The following TMEM91 variants were observed in gnomAD, a reference collection of about 807,000 sequenced individuals.
TMEM91 encodes dispanin subfamily C member 3.
In TMEM91, 6 loss-of-function variants were observed where a neutral mutation model predicts 13.3. The ratio of observed to expected loss-of-function variants is 0.45; its 90% CI spans 0.25 to 0.89. TMEM91 has a LOEUF of 0.89. Among genes scored for constraint, TMEM91 ranks in the 40% least tolerant of loss-of-function variants. TMEM91 has a pLI of 0.19. For synonymous variants in TMEM91, 87 were observed against 101.7 expected, an observed-to-expected ratio of 0.86 and a Z score of 0.87; for missense variants, 193 against 228.7, an observed-to-expected ratio of 0.84 and a Z score of 1.01.
intron 3 of TMEM91, chr19:41,383,127 C>G (rs1260344900): frequency 7.7e-6 from 5 of 646,656 alleles, no homozygotes; most frequent in African/African-American, 1.8e-5. Context: ...AATCTCGGCT[C>G]ACTGCAATCT....
At chr19:41,381,038 T>C (rs1377817069) in intron 2 of TMEM91, among the ~76,000 whole-genome samples, 1 of 127,766 alleles carries the variant, frequency 7.8e-6, no homozygotes. Flanking sequence ...TGAGCTGAGA[T>C]TGAGCCACTG....
upstream of TMEM91, chr19:41,376,222 A>G (rs1351168740): frequency 6.6e-6 from 1 of 152,326 alleles, no homozygotes; most frequent in Admixed American, 6.5e-5. Flanking sequence ...GAATGCGATG[A>G]TGAATGTAAA....
Position 41,383,965 on chromosome 19 carries a change from G to A in TMEM91, c.*92G>A. The A allele has an allele frequency of 6.6e-7, 1 of 1,525,718 alleles. No individual in the cohort carries two copies. Among genetic ancestry groups the A allele is most frequent in the Non-Finnish European group, 8.7e-7 (1 of 1,143,442 alleles). The allele number at this position is 1,525,718 out of a possible 1,614,324, so 94.5% of individuals were successfully genotyped here. On this transcript the variant is annotated 3_prime_UTR_variant, in exon 4 of 4. Coordinates refer to ENST00000392002, the MANE Select transcript of TMEM91 (RefSeq NM_001098821.2). ...GAGAATCTTGGTGGATGAGGCTGCGGCGGCGGCAGGAGCATCTAGAAACGG... is the reference window on the plus strand; with the variant it reads ...GAGAATCTTGGTGGATGAGGCTGCGACGGCGGCAGGAGCATCTAGAAACGG...
chr19:41,366,285 C>A (rs1411435920), intron 1 of TMEM91, among the ~76,000 whole-genome samples: 1 of 151,920 alleles, frequency 6.6e-6, no homozygotes, highest in Non-Finnish European at 1.5e-5. Context: ...ACCAGCCTTG[C>A]ATTCTCTTTT....
At chr19:41,370,922 C>T (rs137877470) in intron 1 of TMEM91, among the ~76,000 whole-genome samples, 1 of 151,646 alleles carries the variant, frequency 6.6e-6, no homozygotes, top group Non-Finnish European at 1.5e-5. Context: ...AGGATGTACT[C>T]GAACTCCTGA....
At chr19:41,371,114 G>C (rs1444093835) in intron 1 of TMEM91, among the ~76,000 whole-genome samples, 1 of 151,874 alleles carries the variant, frequency 6.6e-6, no homozygotes, top group African/African-American at 2.4e-5. Context: ...CAATTATTGT[G>C]CCTCAGCCTC....
intron 1 of TMEM91, among the ~76,000 whole-genome samples, chr19:41,370,763 C>T (rs994294647): frequency 2.6e-5 from 4 of 151,404 alleles, no homozygotes; most frequent in South Asian, 2.1e-4. Flanking sequence ...GGTGTAGCAA[C>T]GTGATCTCTG....
chr19:41,383,649 A>C, intron 3 of TMEM91, 66 bp from the exon 4 acceptor site: 1 of 1,610,838 alleles, frequency 6.2e-7, no homozygotes, highest in East Asian at 2.2e-5. Context: ...TGGGTGGGGG[A>C]GGGACCAGGG....
intron 3 of TMEM91, 172 bp downstream of exon 3, chr19:41,383,093 G>T (rs143826525): frequency 8.6e-6 from 8 of 930,906 alleles, no homozygotes; most frequent in Non-Finnish European, 1.1e-5. Flanking sequence ...TCACTTTGTC[G>T]CCCAGGCTGG....
At chr19:41,378,554 A>G (rs770802602) in intron 2 of TMEM91, 35 bp downstream of exon 2, 1 of 1,610,828 alleles carries the variant, frequency 6.2e-7, no homozygotes, top group Non-Finnish European at 8.5e-7. Flanking sequence ...AAGGCACGGG[A>G]GGGGGCTGGG....
intron 3 of TMEM91, 96 bp downstream of exon 3, chr19:41,383,017 A>G: frequency 2.0e-6 from 3 of 1,511,672 alleles, no homozygotes; most frequent in Non-Finnish European, 2.7e-6. Flanking sequence ...GGAAGGTGGA[A>G]GGTAGCCCAG....
intron 2 of TMEM91, among the ~76,000 whole-genome samples, chr19:41,378,862 C>T (rs546165763): frequency 2.6e-5 from 4 of 151,824 alleles, no homozygotes; most frequent in Admixed American, 6.6e-5. Context: ...GACAGGGTCT[C>T]GCTCTGTTGC....
chr19:41,383,586 G>GGT, intron 3 of TMEM91, 129 bp from the exon 4 acceptor site: 1 of 1,613,824 alleles, frequency 6.2e-7, no homozygotes, highest in Non-Finnish European at 8.5e-7. Flanking sequence ...ACCTATAGTA[G>GGT]GTGCTACGTA....
chr19:41,369,636 C>G (rs1339039324), intron 1 of TMEM91, among the ~76,000 whole-genome samples: 1 of 151,908 alleles, frequency 6.6e-6, no homozygotes, highest in African/African-American at 2.4e-5. Context: ...GAAACCCCAT[C>G]CCTCCTAAAA....
At chr19:41,372,928 C>CTTTTGTTTTTGT (rs113935602), upstream of TMEM91, among the ~76,000 whole-genome samples, 4,227 of 149,820 alleles carry the variant, frequency 0.028, 244 homozygotes, top group East Asian at 0.24. Flanking sequence ...ATCTCGTGAT[C>CTTTTGTTTTTGT]TTTTGTTTTT....
rs2038957655 is a variant in TMEM91 at position 41,383,973 on chromosome 19, A to G, written c.*100A>G. On this transcript the variant is annotated 3_prime_UTR_variant, in exon 4 of 4. Coordinates refer to ENST00000392002, the MANE Select transcript of TMEM91 (RefSeq NM_001098821.2). ...TGGTGGATGAGGCTGCGGCGGCGGC[A>G]GGAGCATCTAGAAACGGGAGCGAGC... 2 of 1,510,260 alleles carry G rather than the reference A, an allele frequency of 1.3e-6. No individual in the cohort carries two copies. The highest frequency in any genetic ancestry group is 5.1e-5 in the Admixed American group (2 of 38,900). 93.6% of individuals were successfully genotyped at this position (1,510,260 alleles called of 1,614,324 possible). A position where few individuals can be genotyped will look rare whatever the true frequency, so the allele number is the denominator to read the frequency against.
chr19:41,366,977 T>TA (rs1325374975), intron 1 of TMEM91, among the ~76,000 whole-genome samples: 1 of 150,704 alleles, frequency 6.6e-6, no homozygotes, highest in Non-Finnish European at 1.5e-5. Context: ...CTGTCTCTAC[T>TA]AAAAAATACC....
rs1177680873 is a variant in TMEM91 at position 41,382,879 on chromosome 19, T to C, written c.318T>C (p.Cys106=). ...TGGCTGTCTTCTCCATGCTGTGTTGTTTCTGGCCCGTTGGCATCGCTGCCT... is the reference window on the plus strand; with the variant it reads ...TGGCTGTCTTCTCCATGCTGTGTTGCTTCTGGCCCGTTGGCATCGCTGCCT... ...LGLAVFSMLC[C]FWPVGIAAFC... The change falls in exon 3 of 4, where the codon TGT becomes TGC. Residue 106 remains cysteine, a synonymous_variant. Coordinates refer to ENST00000392002, the MANE Select transcript of TMEM91 (RefSeq NM_001098821.2). 3 of 1,614,220 alleles carry C rather than the reference T, an allele frequency of 1.9e-6. No homozygotes were observed. The highest frequency in any genetic ancestry group is 3.3e-4 in the Middle Eastern group (2 of 6,062).
Position 41,378,596 on chromosome 19 carries a change from T to C in TMEM91, c.210+77T>C, listed in dbSNP as rs919816478. On this transcript the variant is annotated intron_variant, in intron 2 of 3. Coordinates refer to ENST00000392002, the MANE Select transcript of TMEM91 (RefSeq NM_001098821.2). ...CCCACTAAGGCCAGCATCTGGCAGG[T>C]TGACAGCTGTGCCGATCTGCCTTAG... The C allele has an allele frequency of 4.8e-5, 72 of 1,491,096 alleles. No homozygotes were observed. The African/African-American group carries it at 8.6e-4, about 18-fold the overall frequency. 92.4% of individuals were successfully genotyped at this position (1,491,096 alleles called of 1,614,324 possible). A position where few individuals can be genotyped will look rare whatever the true frequency, so the allele number is the denominator to read the frequency against.
Sources: gnomAD v4.1 joint callset for allele counts (sites outside exome capture counted in the v4.1 genomes callset) on GRCh38, gnomAD v4.1.1 for gene constraint, MANE v1.5 for transcripts, NCBI Gene and HGNC (gene_info 2026-07-23, HGNC 2026-07-21) for gene names.